The following RIN3 variants were observed in gnomAD, a reference collection of about 807,000 sequenced individuals.
RIN3 encodes the protein RAB5 interacting protein 3.
A neutral mutation model predicts 76.3 loss-of-function variants in RIN3; 54 were observed. The ratio of observed to expected loss-of-function variants is 0.71; its 90% CI spans 0.57 to 0.89. The LOEUF is 0.89. Ranked by LOEUF, RIN3 falls within the 40% of genes least tolerant of loss-of-function variation. The pLI, the probability that RIN3 is intolerant of heterozygous loss-of-function variation, is 0.00. For missense variants in RIN3, 1,256 were observed against 1,322.1 expected, an observed-to-expected ratio of 0.95 and a Z score of 0.78; for synonymous variants, 576 against 564.0, an observed-to-expected ratio of 1.02 and a Z score of -0.30.
At chr14:92,518,881 C>T (rs1022159746) in intron 1 of RIN3, among the ~76,000 whole-genome samples, 6 of 149,678 alleles carry the variant, frequency 4.0e-5, no homozygotes, top group African/African-American at 1.5e-4. Flanking sequence ...CAGAACTGTC[C>T]TTTGCTGGTT....
Position 92,516,759 on chromosome 14 carries a change from G to T in RIN3, c.44+2783G>T, listed in dbSNP as rs1401283007. Among the ~76,000 whole-genome samples, 3 of 152,170 alleles carry T rather than the reference G, an allele frequency of 2.0e-5. No homozygotes were observed. The East Asian group carries it at 5.8e-4, about 29-fold the overall frequency. On this transcript the variant is annotated intron_variant, in intron 1 of 9. Transcript: ENST00000216487. Reference sequence around the variant, plus strand: ...CCTCCTCATCTCCCCTACCCCCTTGGTGCCCCTCTATCCTGGCCCTGGGTC... The same window carrying T: ...CCTCCTCATCTCCCCTACCCCCTTGTTGCCCCTCTATCCTGGCCCTGGGTC...
intron 8 of RIN3, among the ~76,000 whole-genome samples, chr14:92,683,640 T>G (rs1478121667): frequency 6.6e-6 from 1 of 152,062 alleles, no homozygotes; most frequent in Non-Finnish European, 1.5e-5. Context: ...ATGGGCAACA[T>G]AGCTAGACCC....
At chr14:92,546,074 C>T (rs905267225) in intron 1 of RIN3, among the ~76,000 whole-genome samples, 4 of 151,948 alleles carry the variant, frequency 2.6e-5, no homozygotes, top group Admixed American at 6.6e-5. Context: ...TACAGGCACC[C>T]GCCACCACAT....
chr14:92,534,674 G>T (rs1031497937), intron 1 of RIN3, among the ~76,000 whole-genome samples: 7 of 152,016 alleles, frequency 4.6e-5, no homozygotes, highest in African/African-American at 1.7e-4. Context: ...TAGGGACAGA[G>T]GTCCTTCCCC....
At chr14:92,639,607 C>T (rs774840075) in intron 4 of RIN3, among the ~76,000 whole-genome samples, 3 of 152,222 alleles carry the variant, frequency 2.0e-5, no homozygotes, top group African/African-American at 7.2e-5. Flanking sequence ...CCTTCCTGAG[C>T]GTGTGAAACA....
chr14:92,561,819 A>G (rs140234274), intron 2 of RIN3, among the ~76,000 whole-genome samples: 4,511 of 152,166 alleles, frequency 0.03, 218 homozygotes, highest in African/African-American at 0.1. Context: ...AGTAGCTGGG[A>G]TTACAGGCAC....
chr14:92,612,350 G>A (rs1240035945), intron 3 of RIN3, among the ~76,000 whole-genome samples: 1 of 152,206 alleles, frequency 6.6e-6, no homozygotes, highest in Non-Finnish European at 1.5e-5. Flanking sequence ...ACAAAGGATT[G>A]TTTGTCTTGT....
chr14:92,654,140 C>T (rs1008650431), intron 6 of RIN3, among the ~76,000 whole-genome samples: 1 of 151,906 alleles, frequency 6.6e-6, no homozygotes, highest in Non-Finnish European at 1.5e-5. Context: ...ATGGTGAAAC[C>T]CCATCTCTAC....
At chr14:92,615,567 A>C in intron 4 of RIN3, 88 bp downstream of exon 4, 1 of 1,122,620 alleles carries the variant, frequency 8.9e-7, no homozygotes, top group Non-Finnish European at 1.4e-6. Flanking sequence ...TTCACAGGGA[A>C]GCCCCAGAGG....
intron 1 of RIN3, among the ~76,000 whole-genome samples, chr14:92,527,299 G>A (rs576438369): frequency 2.6e-5 from 4 of 151,858 alleles, no homozygotes; most frequent in Non-Finnish European, 5.9e-5. Flanking sequence ...TGATCCACCC[G>A]TCTCAGCCTC....
chr14:92,639,790 A>T (rs1315337575), intron 4 of RIN3, among the ~76,000 whole-genome samples: 2 of 87,352 alleles, frequency 2.3e-5, no homozygotes, highest in African/African-American at 4.7e-5. Context: ...CAAAGTCATC[A>T]GATGGACCTG....
intron 3 of RIN3, among the ~76,000 whole-genome samples, chr14:92,593,665 A>C (rs984098335): frequency 2.0e-5 from 3 of 152,220 alleles, no homozygotes; most frequent in African/African-American, 7.2e-5. Flanking sequence ...CGTTGTGCAC[A>C]TGTACCCTAG....
intron 3 of RIN3, among the ~76,000 whole-genome samples, chr14:92,608,644 C>T (rs1369677802): frequency 2.0e-5 from 3 of 151,986 alleles, no homozygotes; most frequent in Non-Finnish European, 4.4e-5. Context: ...AAATGATCCT[C>T]CTGCATCAGC....
At chr14:92,622,732 T>C (rs759440980) in intron 4 of RIN3, among the ~76,000 whole-genome samples, 1 of 152,132 alleles carries the variant, frequency 6.6e-6, no homozygotes, top group Non-Finnish European at 1.5e-5. Context: ...AGCACAGGTA[T>C]AGTACATTTT....
rs543563424 is a variant in RIN3, at chr14:92,648,410, C to T, written c.533-3172C>T. Among the ~76,000 whole-genome samples the T allele has an allele frequency of 2.0e-5, 3 of 152,234 alleles. No homozygotes were observed. Among genetic ancestry groups the T allele is most frequent in the African/African-American group, 4.8e-5 (2 of 41,460 alleles). On this transcript the variant is annotated intron_variant, in intron 5 of 9. Transcript: ENST00000216487. This position sits in a 1 kb window ranked among gnomAD's most constrained non-coding sequence, Gnocchi z 4.1. ...CTGTGCCTAATGGAGCCATCCTGTC[C>T]CGTGGCAGGCTGCCCGGCTGGTGGC...
At chr14:92,672,898 T>C (rs1363025013) in intron 7 of RIN3, among the ~76,000 whole-genome samples, 1 of 152,178 alleles carries the variant, frequency 6.6e-6, no homozygotes, top group Admixed American at 6.5e-5. Context: ...GGACGTTGCA[T>C]ATAGATGGAA....
At chr14:92,645,951 CAA>C (rs35439699) in intron 5 of RIN3, among the ~76,000 whole-genome samples, 341 of 139,466 alleles carry the variant, frequency 2.4e-3, no homozygotes, top group Middle Eastern at 3.6e-3. Context: ...GACTCTCTCT[CAA>C]AAAAAAAAAA....
chr14:92,624,012 G>A (rs1023512874), intron 4 of RIN3, among the ~76,000 whole-genome samples: 2 of 152,340 alleles, frequency 1.3e-5, no homozygotes, highest in Non-Finnish European at 2.9e-5. Context: ...ATGCCCGGTT[G>A]GTCAGAAGAC....
rs188664487 is a variant in RIN3 at position 92,529,270 on chromosome 14, A to G, written c.44+15294A>G. On this transcript the variant is annotated intron_variant, in intron 1 of 9. Transcript: ENST00000216487. ...TTTTTTTTCTTTTTTTTTTTTTGAGATGGAGTCTCGCACTGTCACCTGGGC... is the reference window on the plus strand; with the variant it reads ...TTTTTTTTCTTTTTTTTTTTTTGAGGTGGAGTCTCGCACTGTCACCTGGGC... 4.3e-3 allele frequency among the ~76,000 whole-genome samples: 619 copies of G among 144,852 alleles called. 5 individuals are homozygous for G. The highest frequency in any genetic ancestry group is 0.015 in the African/African-American group (585 of 38,598).
Sources: allele counts gnomAD v4.1 joint callset (sites outside exome capture counted in the v4.1 genomes callset), GRCh38; gene constraint gnomAD v4.1.1; non-coding constraint Gnocchi (gnomAD v3.1); transcripts MANE v1.5; gene names NCBI Gene and HGNC (gene_info 2026-07-23, HGNC 2026-07-21).